Variants in ADAM10 observed in about 807,000 individuals in gnomAD.
ADAM10 encodes the protein ADAM metallopeptidase domain 10.
A neutral mutation model predicts 90.1 loss-of-function variants in ADAM10; 17 were observed. That is an observed-to-expected ratio of 0.19 (90% confidence interval 0.13 to 0.28). ADAM10 has a LOEUF of 0.28. ADAM10 is among the 10% of genes least tolerant of loss of function. ADAM10 has a pLI of 1.00. For missense variants in ADAM10, 610 were observed against 914.3 expected, an observed-to-expected ratio of 0.67 and a Z score of 4.29; for synonymous variants, 310 against 298.6, an observed-to-expected ratio of 1.04 and a Z score of -0.40.
chr15:58,743,861 G>A (rs1899697589), intron 1 of ADAM10, among the ~76,000 whole-genome samples: 2 of 152,218 alleles, frequency 1.3e-5, no homozygotes, highest in Non-Finnish European at 2.9e-5. Context: ...GCCTGCCTCA[G>A]CCTCCCAAAG....
chr15:58,611,620 T>C, intron 12 of ADAM10, 188 bp downstream of exon 12: 1 of 595,896 alleles, frequency 1.7e-6, no homozygotes, highest in East Asian at 2.9e-5. Flanking sequence ...CACATGTACA[T>C]GGAAAGATGA....
At chr15:58,706,511 T>C (rs1898294764) in intron 2 of ADAM10, among the ~76,000 whole-genome samples, 1 of 152,230 alleles carries the variant, frequency 6.6e-6, no homozygotes, top group African/African-American at 2.4e-5. Context: ...CAACAAATAT[T>C]ATTTTGAGCC....
intron 11 of ADAM10, among the ~76,000 whole-genome samples, chr15:58,612,228 G>C (rs970488011): frequency 2.0e-5 from 3 of 152,092 alleles, no homozygotes; most frequent in Admixed American, 1.3e-4. Flanking sequence ...AACAGTGCCT[G>C]GGCCTACACA....
chr15:58,715,016 G>A (rs919967097), intron 2 of ADAM10, among the ~76,000 whole-genome samples: 3 of 152,148 alleles, frequency 2.0e-5, no homozygotes, highest in Admixed American at 6.6e-5. Flanking sequence ...GAAATTCTGA[G>A]ACAGAGTGAA....
At chr15:58,655,713 A>ATG (rs1469742369) in intron 5 of ADAM10, among the ~76,000 whole-genome samples, 2 of 54,056 alleles carry the variant, frequency 3.7e-5, no homozygotes, top group Non-Finnish European at 5.9e-5. Context: ...TATATATAGT[A>ATG]TATATATATA....
At chr15:58,620,194 G>A (rs565440578) in intron 11 of ADAM10, among the ~76,000 whole-genome samples, 9 of 152,036 alleles carry the variant, frequency 5.9e-5, no homozygotes, top group East Asian at 1.9e-4. Flanking sequence ...GGCCGGGTGC[G>A]GTGGCTCATG....
chr15:58,727,077 G>C (rs1362282453), intron 1 of ADAM10, among the ~76,000 whole-genome samples: 1 of 150,888 alleles, frequency 6.6e-6, no homozygotes, highest in Admixed American at 6.6e-5. Flanking sequence ...CGTGATCATA[G>C]CTCATTGTAC....
intron 2 of ADAM10, among the ~76,000 whole-genome samples, chr15:58,702,727 G>A (rs1335665136): frequency 2.0e-5 from 3 of 152,180 alleles, no homozygotes; most frequent in Admixed American, 6.5e-5. Context: ...AAGTAGCAGT[G>A]CAGATAATTT....
intron 4 of ADAM10, among the ~76,000 whole-genome samples, chr15:58,677,172 T>A (rs1037135878): frequency 2.6e-5 from 4 of 152,194 alleles, no homozygotes; most frequent in African/African-American, 4.8e-5. Context: ...ACTCCCATCC[T>A]CATATCCTAC....
At chr15:58,669,319 T>A (rs1198908985) in intron 4 of ADAM10, among the ~76,000 whole-genome samples, 2 of 152,120 alleles carry the variant, frequency 1.3e-5, no homozygotes, top group Non-Finnish European at 2.9e-5. Flanking sequence ...CTGGTTTCCT[T>A]CCATGCCTCT....
rs1177587885 is a variant in ADAM10 at position 58,593,004 on chromosome 15, AC to A, written c.*4542del. 2.7e-5 allele frequency: 4 copies of A among 150,122 alleles called. No individual in the cohort carries two copies. The highest frequency in any genetic ancestry group is 4.4e-5 in the Non-Finnish European group (3 of 67,454). 9.3% of individuals were successfully genotyped at this position (150,122 alleles called of 1,614,324 possible). A position where few individuals can be genotyped will look rare whatever the true frequency, so the allele number is the denominator to read the frequency against. ...GGGAAATTGGTTAAGAAAAAAAAAA[AC>A]ATACATCCACAGAAATATTTAGAGT... On this transcript the variant is annotated 3_prime_UTR_variant, in exon 16 of 16. Transcript: ENST00000260408.
intron 4 of ADAM10, among the ~76,000 whole-genome samples, chr15:58,668,923 G>C (rs780545787): frequency 7.2e-5 from 11 of 152,078 alleles, no homozygotes; most frequent in Non-Finnish European, 1.6e-4. Context: ...CTACAATAAA[G>C]AGGAATTGTC....
intron 2 of ADAM10, among the ~76,000 whole-genome samples, chr15:58,710,549 A>C (rs965454909): frequency 3.3e-5 from 5 of 152,196 alleles, no homozygotes; most frequent in African/African-American, 1.2e-4. Flanking sequence ...AAGAATAAAG[A>C]ATACCATATC....
At chr15:58,613,344 G>A (rs149826734) in intron 11 of ADAM10, among the ~76,000 whole-genome samples, 15 of 152,130 alleles carry the variant, frequency 9.9e-5, no homozygotes, top group African/African-American at 3.1e-4. Context: ...TAGATGAGAC[G>A]ACTGTTCCAC....
chr15:58,669,967 G>C (rs748417352), intron 4 of ADAM10, among the ~76,000 whole-genome samples: 8 of 152,112 alleles, frequency 5.3e-5, no homozygotes, highest in African/African-American at 1.2e-4. Context: ...GAGTAGAGGA[G>C]AGAAGAATTA....
intron 1 of ADAM10, among the ~76,000 whole-genome samples, chr15:58,721,749 C>T (rs1595655790): frequency 6.6e-6 from 1 of 152,192 alleles, no homozygotes; most frequent in East Asian, 1.9e-4. Flanking sequence ...GCCAGGTGGC[C>T]GGGTGTGGTA....
chr15:58,623,616 T>A (rs1259628321), intron 10 of ADAM10, among the ~76,000 whole-genome samples: 2 of 152,062 alleles, frequency 1.3e-5, no homozygotes, highest in South Asian at 2.1e-4. Context: ...ATATACACCA[T>A]GGAATACTAC....
intron 9 of ADAM10, among the ~76,000 whole-genome samples, chr15:58,632,927 C>T (rs1329924540): frequency 6.6e-6 from 1 of 152,152 alleles, no homozygotes; most frequent in Non-Finnish European, 1.5e-5. Flanking sequence ...TGTTCTAGGG[C>T]CAGGAGATAT....
rs150429413 is a variant in ADAM10 at position 58,723,642 on chromosome 15, T to C, written c.56-5915A>G. Among the ~76,000 whole-genome samples, 690 of 151,966 alleles carry C rather than the reference T, an allele frequency of 4.5e-3. 7 individuals are homozygous for C. Among genetic ancestry groups the C allele is most frequent in the Middle Eastern group, 0.034 (10 of 294 alleles). On this transcript the variant is annotated intron_variant, in intron 1 of 15. Transcript: ENST00000260408. ...ATCTCTTGAACCCGGGAGACGGAGG[T>C]TGCAGTGAGCCAAGGTCACGCCACT...
Sources: gnomAD v4.1 joint callset for allele counts (sites outside exome capture counted in the v4.1 genomes callset) on GRCh38, gnomAD v4.1.1 for gene constraint, MANE v1.5 for transcripts, NCBI Gene and HGNC (gene_info 2026-07-23, HGNC 2026-07-21) for gene names.